FANCA: variants seen among roughly 807,000 people sequenced by gnomAD.
FANCA encodes the protein Fanconi anemia group A protein.
In FANCA, 236 loss-of-function variants were observed where a neutral mutation model predicts 194.3. That is an observed-to-expected ratio of 1.21 (90% CI 1.09 to 1.35). The LOEUF (loss-of-function observed/expected upper bound fraction) is 1.35, where lower values mean the gene tolerates loss of function less well. FANCA is among the 40% of genes most tolerant of loss of function. The probability of loss-of-function intolerance (pLI) is 0.00; values close to 1 mark genes in which losing one functional copy is unlikely to be tolerated. For synonymous variants in FANCA, 1,014 were observed against 715.8 expected (o/e 1.42, Z -6.65); for missense variants, 2,628 against 1,813.9 (o/e 1.45, Z -8.15).
intron 20 of FANCA, among the ~76,000 whole-genome samples, chr16:89,776,153 G>GTTTTTTTTTTTTTTTT (rs908520331): frequency 1.1e-5 from 1 of 91,786 alleles, no homozygotes. Flanking sequence ...ACGAATCTTT[G>GTTTTTTTTTTTTTTTT]TTTTTCTTTT....
intron 5 of FANCA, chr16:89,810,480 G>C: frequency 5.5e-6 from 3 of 541,232 alleles, no homozygotes; most frequent in South Asian, 4.1e-5. Context: ...ATATATTCTA[G>C]TCTAATAAAT....
chr16:89,791,994 C>A lies in FANCA; in HGVS notation c.1158G>T (p.Trp386Cys), dbSNP rs752864343. 3.7e-6 allele frequency: 6 copies of A among 1,614,084 alleles called. No individual in the cohort carries two copies. Among genetic ancestry groups the A allele is most frequent in the East Asian group, 2.2e-5 (1 of 44,896 alleles). ...CAGACACAAAGGAGAGCACTCTCTG[C>A]CAGTGAACCTCCTGCGTTTCCAGAA... Reference protein sequence around the residue: ...QEVLETQEVHWQRVLSFVSAL... With the variant: ...QEVLETQEVHCQRVLSFVSAL... Residue 386 changes from tryptophan (W) to cysteine (C), a missense_variant, in exon 13 of 43, where the codon TGG (tryptophan) becomes TGT (cysteine). Coordinates refer to ENST00000389301, the MANE Select transcript of FANCA (RefSeq NM_000135.4).
chr16:89,809,010 A>G (rs986446867), intron 5 of FANCA, among the ~76,000 whole-genome samples: 1 of 151,332 alleles, frequency 6.6e-6, no homozygotes, highest in Non-Finnish European at 1.5e-5. Flanking sequence ...GGTTCACGCC[A>G]TTCTCCTGCC....
At chr16:89,808,252 G>C (rs761228274) in intron 6 of FANCA, 42 bp downstream of exon 6, 2 of 1,575,718 alleles carry the variant, frequency 1.3e-6, no homozygotes, top group Non-Finnish European at 1.7e-6. Context: ...TACTAGACTA[G>C]ACTGCAAAAA....
At chr16:89,816,293 G>A (rs2041120946) in intron 1 of FANCA, 3 of 256,070 alleles carry the variant, frequency 1.2e-5, no homozygotes, top group South Asian at 9.6e-5. Context: ...GGCCGGCGGG[G>A]GCGGCGTTCG....
chr16:89,791,745 G>C (rs2040082924), intron 13 of FANCA, 182 bp downstream of exon 13: 1 of 969,464 alleles, frequency 1.0e-6, no homozygotes, highest in Non-Finnish European at 1.6e-6. Flanking sequence ...GCCTCTCAGA[G>C]CAGCAGTCAG....
intron 15 of FANCA, 117 bp downstream of exon 15, chr16:89,784,737 C>G: frequency 1.2e-6 from 1 of 819,132 alleles, no homozygotes; most frequent in South Asian, 1.3e-5. Context: ...GGGGAAGGGC[C>G]TGGCTGAGAG....
intron 6 of FANCA, 84 bp downstream of exon 6, chr16:89,808,210 C>T (rs867787868): frequency 4.6e-6 from 6 of 1,309,726 alleles, no homozygotes; most frequent in Non-Finnish European, 5.5e-6. Context: ...GAAATCAAAC[C>T]CGTCTGATTC....
chr16:89,804,253 T>C (rs2040555935), intron 7 of FANCA, among the ~76,000 whole-genome samples: 1 of 152,120 alleles, frequency 6.6e-6, no homozygotes, highest in African/African-American at 2.4e-5. Context: ...TAATTTTTAT[T>C]TGTAGGTGTC....
intron 29 of FANCA, among the ~76,000 whole-genome samples, chr16:89,760,940 C>G (rs2038930217): frequency 6.6e-6 from 1 of 152,150 alleles, no homozygotes; most frequent in African/African-American, 2.4e-5. Context: ...ATAGCCCAGC[C>G]AGGGTAGGGT....
intron 6 of FANCA, among the ~76,000 whole-genome samples, chr16:89,806,818 AT>A (rs1488722428): frequency 6.6e-6 from 1 of 152,096 alleles, no homozygotes; most frequent in African/African-American, 2.4e-5. Context: ...TTTGTATTCC[AT>A]AAAACCGCCA....
chr16:89,753,916 G>A (rs539237265), intron 30 of FANCA, among the ~76,000 whole-genome samples: 18 of 152,286 alleles, frequency 1.2e-4, no homozygotes, highest in South Asian at 2.1e-4. Flanking sequence ...TTAGACGGGC[G>A]TGTTAGCGGA....
intron 29 of FANCA, among the ~76,000 whole-genome samples, chr16:89,761,360 A>C (rs1372989736): frequency 6.7e-6 from 1 of 148,724 alleles, no homozygotes; most frequent in East Asian, 2.0e-4. Flanking sequence ...TGGAGGTTGC[A>C]GTGAGCCGAG....
Position 89,804,203 on chromosome 16 carries a change from GA to G in FANCA, c.710-863del, listed in dbSNP as rs915463495. Among the ~76,000 whole-genome samples, 50 of 152,192 alleles carry G rather than the reference GA, an allele frequency of 3.3e-4. 1 individual carries two copies. The highest frequency in any genetic ancestry group is 3.0e-3 in the Admixed American group (46 of 15,274). On this transcript the variant is annotated intron_variant, in intron 7 of 42. Transcript: ENST00000389301. The stretch of plus-strand genomic sequence containing the variant: ...GCCACCAAAAAGCTTTAGGAAAAAG[GA>G]AAAAACCCACAAGCTACTGTACAGA...
chr16:89,759,318 T>TTAAAAAAAAAAAAAAAAA lies in FANCA; in HGVS notation c.2853-614_2853-613insTTTTTTTTTTTTTTTTTA, dbSNP rs1224981781. On this transcript the variant is annotated intron_variant, in intron 29 of 42. Transcript: ENST00000389301. ...TTGGGCAACAGAGCGAGACTCCGTCTAAAAAAAAAAAAAAAAAAAAAAAAA... is the reference window on the plus strand; with the variant it reads ...TTGGGCAACAGAGCGAGACTCCGTCTTAAAAAAAAAAAAAAAAAAAAAAAAAAAAAAAAAAAAAAAAAA... Among the ~76,000 whole-genome samples, 175 of 75,206 alleles carry TTAAAAAAAAAAAAAAAAA rather than the reference T, an allele frequency of 2.3e-3. 50 individuals are homozygous for TTAAAAAAAAAAAAAAAAA. The highest frequency in any genetic ancestry group is 7.8e-3 in the African/African-American group (153 of 19,548). The allele number at this position is 75,206 out of a possible 152,430, so 49.3% of individuals were successfully genotyped here. A position where few individuals can be genotyped will look rare whatever the true frequency, so the allele number is the denominator to read the frequency against.
intron 22 of FANCA, among the ~76,000 whole-genome samples, chr16:89,772,957 C>T (rs746382703): frequency 3.9e-5 from 6 of 152,150 alleles, no homozygotes; most frequent in Non-Finnish European, 7.4e-5. Flanking sequence ...ACATCGACTC[C>T]GGCAGGCAGG....
intron 6 of FANCA, among the ~76,000 whole-genome samples, chr16:89,806,527 T>C (rs1326955288): frequency 6.6e-6 from 1 of 151,564 alleles, no homozygotes; most frequent in African/African-American, 2.4e-5. Flanking sequence ...CCTGGGTACT[T>C]GAGATTAGGG....
intron 5 of FANCA, 26 bp from the exon 6 acceptor site, chr16:89,808,393 A>G (rs1327782710): frequency 6.2e-7 from 1 of 1,611,026 alleles, no homozygotes; most frequent in Admixed American, 1.7e-5. Context: ...AAACAAACAA[A>G]AACAAAAACA....
chr16:89,738,157 G>T lies in FANCA; in HGVS notation c.*444C>A, dbSNP rs1240548082. 18 of 1,613,418 alleles carry T rather than the reference G, an allele frequency of 1.1e-5. No homozygotes were observed. The highest frequency in any genetic ancestry group is 1.5e-5 in the Non-Finnish European group (18 of 1,179,952). On this transcript the variant is annotated 3_prime_UTR_variant, in exon 43 of 43. Coordinates refer to ENST00000389301, the MANE Select transcript of FANCA (RefSeq NM_000135.4). ...CCCGCTGACACAGACCCAGGACAAG[G>T]CCCTGCCCCTGGAGGCGGAACCACC... is the stretch of plus-strand genomic sequence containing the variant.
Sources: gnomAD v4.1 joint callset for allele counts (sites outside exome capture counted in the v4.1 genomes callset) on GRCh38, gnomAD v4.1.1 for gene constraint, MANE v1.5 for transcripts, NCBI Gene and HGNC (gene_info 2026-07-23, HGNC 2026-07-21) for gene names.